Variants in ADARB2 observed in about 807,000 individuals in gnomAD.
ADARB2 encodes the protein adenosine deaminase RNA specific B2 (inactive).
In ADARB2, 25 loss-of-function variants were observed where a neutral mutation model predicts 62.2. That is an observed-to-expected ratio of 0.40 (90% CI 0.29 to 0.56). The LOEUF (loss-of-function observed/expected upper bound fraction) is 0.56, where lower values mean the gene tolerates loss of function less well. Among genes scored for constraint, ADARB2 ranks in the 20% least tolerant of loss-of-function variants. The pLI is 0.43. For synonymous variants in ADARB2, 572 were observed against 500.8 expected (o/e 1.14, Z -1.90); for missense variants, 1,071 against 1,077.4 (o/e 0.99, Z 0.08).
chr10:1,588,510 G>T (rs933366947), intron 1 of ADARB2, among the ~76,000 whole-genome samples: 5 of 152,222 alleles, frequency 3.3e-5, no homozygotes, highest in African/African-American at 1.2e-4. Context: ...CGGTGCTGCT[G>T]TTGGGAGGAT....
intron 1 of ADARB2, among the ~76,000 whole-genome samples, chr10:1,671,888 TG>T (rs369808591): frequency 6.6e-6 from 1 of 151,814 alleles, no homozygotes; most frequent in Non-Finnish European, 1.5e-5. Flanking sequence ...TCACTTGCAC[TG>T]GGGGGGAGTG....
chr10:1,203,938 C>G (rs755708481), intron 7 of ADARB2, among the ~76,000 whole-genome samples: 1 of 152,090 alleles, frequency 6.6e-6, no homozygotes. Context: ...GGGTGAGGCC[C>G]GGCAGTGCAA....
chr10:1,363,142 C>A lies in ADARB2; in HGVS notation c.963G>T (p.Gly321=), dbSNP rs1392790013. 1 of 1,548,966 alleles carries A rather than the reference C, an allele frequency of 6.5e-7. No individual in the cohort carries two copies. The highest frequency in any genetic ancestry group is 1.8e-5 in the Admixed American group (1 of 54,366). Residue 321 remains glycine (G), a synonymous_variant, in exon 3 of 10, where the codon GGG becomes GGT. Coordinates refer to ENST00000381312, the MANE Select transcript of ADARB2 (RefSeq NM_018702.4). Reference sequence around the variant, plus strand: ...GACCCCGGGCCAGCTTCTTGCTGCGCCCCGAGCCCTCGAACGTCCTGCCGT... The same window carrying A: ...GACCCCGGGCCAGCTTCTTGCTGCGACCCGAGCCCTCGAACGTCCTGCCGT... The part of the protein sequence containing the change: ...SVDGRTFEGS[G]RSKKLARGQA...
intron 1 of ADARB2, among the ~76,000 whole-genome samples, chr10:1,654,155 A>C (rs1234011974): frequency 6.6e-6 from 1 of 152,166 alleles, no homozygotes; most frequent in African/African-American, 2.4e-5. Flanking sequence ...AGCCACATCA[A>C]ATCCACTTGA....
At chr10:1,408,460 T>C (rs1205456043) in intron 1 of ADARB2, among the ~76,000 whole-genome samples, 1 of 152,218 alleles carries the variant, frequency 6.6e-6, no homozygotes, top group Non-Finnish European at 1.5e-5. Flanking sequence ...TTCACACTCT[T>C]AGAAATGCAA....
chr10:1,431,556 C>A (rs1830778067), intron 1 of ADARB2, among the ~76,000 whole-genome samples: 1 of 151,372 alleles, frequency 6.6e-6, no homozygotes, highest in African/African-American at 2.4e-5. Flanking sequence ...TTTTATAAAA[C>A]TATAAAAAAC....
At chr10:1,239,961 T>C (rs376892043) in intron 5 of ADARB2, among the ~76,000 whole-genome samples, 31 of 6,702 alleles carry the variant, frequency 4.6e-3, no homozygotes, top group Non-Finnish European at 5.9e-3. Flanking sequence ...TTTACTCCCC[T>C]CTGCCTCCCG....
intron 1 of ADARB2, among the ~76,000 whole-genome samples, chr10:1,419,529 G>A (rs1283353177): frequency 6.6e-6 from 1 of 152,114 alleles, no homozygotes; most frequent in East Asian, 1.9e-4. Context: ...GCAAAACCAC[G>A]GGCCACTTTA....
At chr10:1,347,154 G>T (rs575819646) in intron 3 of ADARB2, among the ~76,000 whole-genome samples, 1 of 152,174 alleles carries the variant, frequency 6.6e-6, no homozygotes, top group East Asian at 1.9e-4. Flanking sequence ...TCCCAGCCCC[G>T]CACGCCAGCC....
chr10:1,708,134 C>T (rs1353519861), intron 1 of ADARB2, among the ~76,000 whole-genome samples: 4 of 152,174 alleles, frequency 2.6e-5, no homozygotes, highest in African/African-American at 9.7e-5. Context: ...GTGCGGGCTG[C>T]CTTCTGTCCC....
chr10:1,642,244 T>C (rs910420284), intron 1 of ADARB2, among the ~76,000 whole-genome samples: 2 of 147,596 alleles, frequency 1.4e-5, no homozygotes, highest in African/African-American at 5.3e-5. Context: ...ATATCAAAAA[T>C]ACTCAAAGCA....
intron 1 of ADARB2, among the ~76,000 whole-genome samples, chr10:1,433,294 TG>T (rs1830795951): frequency 6.6e-6 from 1 of 152,116 alleles, no homozygotes; most frequent in Non-Finnish European, 1.5e-5. Flanking sequence ...CTTGCATGCA[TG>T]GAAGTGCTGC....
chr10:1,393,522 AT>A, intron 1 of ADARB2, among the ~76,000 whole-genome samples: 1 of 152,052 alleles, frequency 6.6e-6, no homozygotes, highest in Non-Finnish European at 1.5e-5. Flanking sequence ...TCATGGTTTA[AT>A]TTCTAAGGCA....
At chr10:1,561,883 G>A (rs1289107189) in intron 1 of ADARB2, among the ~76,000 whole-genome samples, 1 of 152,128 alleles carries the variant, frequency 6.6e-6, no homozygotes, top group East Asian at 1.9e-4. Context: ...TCCCACTCTT[G>A]CCCATGCAAC....
At chr10:1,298,713 G>T (rs2387640) in intron 3 of ADARB2, among the ~76,000 whole-genome samples, 1 of 132,874 alleles carries the variant, frequency 7.5e-6, no homozygotes. Flanking sequence ...TCCCATGTGC[G>T]ACGGGAATTT....
chr10:1,633,647 T>C lies in ADARB2; in HGVS notation c.100+103404A>G, dbSNP rs535962068. On this transcript the variant is annotated intron_variant, in intron 1 of 9. Coordinates refer to ENST00000381312, the MANE Select transcript of ADARB2 (RefSeq NM_018702.4). ...AATCTATCTATCCATCCATCTATCA[T>C]ACTGGTTCTGTTTCTCTGGAGAACC... Among the ~76,000 whole-genome samples, 3 of 152,046 alleles carry C rather than the reference T, an allele frequency of 2.0e-5. No individual in the cohort carries two copies. The South Asian group carries it at 6.2e-4, about 32-fold the overall frequency.
intron 1 of ADARB2, among the ~76,000 whole-genome samples, chr10:1,730,607 TAA>T (rs1467031804): frequency 6.6e-6 from 1 of 151,436 alleles, no homozygotes; most frequent in Non-Finnish European, 1.5e-5. Context: ...CCTTAAAATC[TAA>T]GTCACCTGAG....
At chr10:1,682,978 G>C (rs745632576) in intron 1 of ADARB2, among the ~76,000 whole-genome samples, 2 of 152,206 alleles carry the variant, frequency 1.3e-5, no homozygotes, top group African/African-American at 4.8e-5. Flanking sequence ...CAGCACCGCG[G>C]AGGTGGGCTA....
chr10:1,597,079 T>C (rs1040854906), intron 1 of ADARB2, among the ~76,000 whole-genome samples: 1 of 152,174 alleles, frequency 6.6e-6, no homozygotes, highest in Non-Finnish European at 1.5e-5. Context: ...TATGATTATA[T>C]AGGCACAGAG....
Sources: allele counts gnomAD v4.1 joint callset (sites outside exome capture counted in the v4.1 genomes callset), GRCh38; gene constraint gnomAD v4.1.1; transcripts MANE v1.5; gene names NCBI Gene and HGNC (gene_info 2026-07-23, HGNC 2026-07-21).